Variants in RBM20 observed in about 807,000 individuals in gnomAD.
RBM20 encodes RNA binding motif protein 20, also known as RNA-binding protein 20.
In RBM20, 51 loss-of-function variants were observed where a neutral mutation model predicts 110.1. That is an observed-to-expected ratio of 0.46 (90% CI 0.37 to 0.59). The LOEUF is 0.59. Among genes scored for constraint, RBM20 ranks in the 20% least tolerant of loss-of-function variants. RBM20 has a pLI of 0.00. For synonymous variants in RBM20, 589 were observed against 618.2 expected (o/e 0.95, Z 0.70); for missense variants, 1,512 against 1,574.9 (o/e 0.96, Z 0.68).
chr10:110,681,188 A>G (rs1862418900), intron 1 of RBM20, among the ~76,000 whole-genome samples: 1 of 152,248 alleles, frequency 6.6e-6, no homozygotes, highest in South Asian at 2.1e-4. Context: ...AGCTGGTGAC[A>G]GAACTGGCCC....
At chr10:110,643,970 A>G (rs1861825532), upstream of RBM20, among the ~76,000 whole-genome samples, 1 of 152,144 alleles carries the variant, frequency 6.6e-6, no homozygotes, top group Non-Finnish European at 1.5e-5. Context: ...CACCGTCCCC[A>G]GGGACAGCCG....
intron 1 of RBM20, among the ~76,000 whole-genome samples, chr10:110,689,024 A>G: frequency 6.6e-6 from 1 of 152,022 alleles, no homozygotes. Flanking sequence ...TGTATTTTAA[A>G]GTTTTTAAAA....
chr10:110,780,768 C>T (rs1322892516), intron 1 of RBM20, 33 bp from the exon 2 acceptor site: 1 of 1,472,928 alleles, frequency 6.8e-7, no homozygotes, highest in African/African-American at 1.4e-5. Flanking sequence ...CATTGAAAAC[C>T]AGCTGTGCAT....
intron 13 of RBM20, among the ~76,000 whole-genome samples, chr10:110,834,302 C>T (rs1158595388): frequency 6.6e-6 from 1 of 151,512 alleles, no homozygotes; most frequent in African/African-American, 2.5e-5. Context: ...TGCTGCCATC[C>T]ACCGTTTGCT....
chr10:110,716,083 G>A (rs1416580486), intron 1 of RBM20, among the ~76,000 whole-genome samples: 1 of 152,238 alleles, frequency 6.6e-6, no homozygotes, highest in East Asian at 1.9e-4. Flanking sequence ...TAATGTAAGT[G>A]ATGAAAAGTC....
At position 110,820,015 on chromosome 10, in the gene RBM20, C is replaced by G. The variant is rs1006363900; in HGVS notation, c.2551-57C>G. On this transcript the variant is annotated intron_variant, in intron 9 of 13. Coordinates refer to ENST00000369519, the MANE Select transcript of RBM20 (RefSeq NM_001134363.3). ...CTGCATTCAATATCATTCTTTTTTT[C>G]TTCTCCCTGTCACTGCTCACTGTTG... is the stretch of plus-strand genomic sequence containing the variant. The G allele has an allele frequency of 9.0e-6, 10 of 1,117,222 alleles. No homozygotes were observed. In the African/African-American group the frequency reaches 1.1e-4, roughly 12 times the overall value. 69.2% of individuals were successfully genotyped at this position (1,117,222 alleles called of 1,614,324 possible).
intron 1 of RBM20, among the ~76,000 whole-genome samples, chr10:110,704,622 G>A (rs1450699678): frequency 1.3e-5 from 2 of 152,230 alleles, no homozygotes; most frequent in Non-Finnish European, 2.9e-5. Context: ...CCAGGACTGT[G>A]TAAGAGGAAA....
At chr10:110,785,939 T>C (rs1428736370) in intron 5 of RBM20, among the ~76,000 whole-genome samples, 1 of 152,246 alleles carries the variant, frequency 6.6e-6, no homozygotes, top group East Asian at 1.9e-4. Context: ...TACGCACCAG[T>C]AGCATTTGTT....
chr10:110,689,359 C>T (rs905979183), intron 1 of RBM20, among the ~76,000 whole-genome samples: 7 of 152,154 alleles, frequency 4.6e-5, no homozygotes, highest in African/African-American at 1.7e-4. Flanking sequence ...ACAGACATAG[C>T]AAGTAAACAC....
chr10:110,748,114 T>C (rs1387594938), intron 1 of RBM20, among the ~76,000 whole-genome samples: 1 of 151,690 alleles, frequency 6.6e-6, no homozygotes, highest in Non-Finnish European at 1.5e-5. Context: ...TAGTGTTAAC[T>C]TTTTTTTTCA....
chr10:110,705,907 C>T (rs1862830650), intron 1 of RBM20, among the ~76,000 whole-genome samples: 1 of 151,810 alleles, frequency 6.6e-6, no homozygotes, highest in African/African-American at 2.4e-5. Flanking sequence ...ATGGTGAAAC[C>T]CCCATCTCTA....
At position 110,821,283 on chromosome 10, in the gene RBM20, T is replaced by C. The variant is rs397516605; in HGVS notation, c.2664T>C (p.Asp888=). Residue 888 remains aspartate (D), a synonymous_variant, in exon 11 of 14, where the codon GAT becomes GAC. Transcript: ENST00000369519. ...PENTRTKKEQ[D]WESESEAEGE... ...TCTGCATTTTTGTACAGGAACAAGA[T>C]TGGGAGAGTGAAAGTGAGGCAGAGG... 6.3e-5 allele frequency: 97 copies of C among 1,550,804 alleles called. No individual in the cohort carries two copies. Among genetic ancestry groups the C allele is most frequent in the Non-Finnish European group, 8.0e-5 (92 of 1,146,470 alleles).
intron 5 of RBM20, among the ~76,000 whole-genome samples, chr10:110,793,134 G>A: frequency 6.6e-6 from 1 of 152,170 alleles, no homozygotes; most frequent in East Asian, 1.9e-4. Flanking sequence ...CAGACGTGGG[G>A]AAACTAAGGC....
intron 1 of RBM20, among the ~76,000 whole-genome samples, chr10:110,661,369 C>T (rs1862099367): frequency 6.6e-6 from 1 of 152,150 alleles, no homozygotes; most frequent in African/African-American, 2.4e-5. Context: ...TAGCCAGAAC[C>T]CCTTAGGCTG....
Position 110,653,091 on chromosome 10 carries a change from A to G in RBM20, c.191+8446A>G, listed in dbSNP as rs567924204. On this transcript the variant is annotated intron_variant, in intron 1 of 13. Transcript: ENST00000369519. The stretch of plus-strand genomic sequence containing the variant: ...TTAATAGAGGAAAAACCCAGTACCT[A>G]CCTTCCTTTCATACCCAGAAACGTC... Among the ~76,000 whole-genome samples, 17 of 152,336 alleles carry G rather than the reference A, an allele frequency of 1.1e-4. No homozygotes were observed. In the South Asian group the frequency reaches 3.5e-3, roughly 32 times the overall value.
chr10:110,671,624 G>A (rs1287748730), intron 1 of RBM20, among the ~76,000 whole-genome samples: 1 of 152,048 alleles, frequency 6.6e-6, no homozygotes, highest in Non-Finnish European at 1.5e-5. Flanking sequence ...ATATTGCTCA[G>A]AACAGTGTCT....
At chr10:110,759,479 C>A (rs1381103532) in intron 1 of RBM20, among the ~76,000 whole-genome samples, 1 of 152,008 alleles carries the variant, frequency 6.6e-6, no homozygotes, top group East Asian at 1.9e-4. Flanking sequence ...AAGAAAAGGC[C>A]CCAGGAATGT....
chr10:110,830,386 A>G (rs974602639), intron 12 of RBM20, among the ~76,000 whole-genome samples: 3 of 152,186 alleles, frequency 2.0e-5, no homozygotes, highest in Admixed American at 6.5e-5. Context: ...CACAAATGAA[A>G]TGCTAATTGA....
chr10:110,644,501 C>T lies in RBM20; in HGVS notation c.47C>T (p.Pro16Leu). 1.3e-6 allele frequency: 2 copies of T among 1,525,698 alleles called. No individual in the cohort carries two copies. Among genetic ancestry groups the T allele is most frequent in the South Asian group, 1.2e-5 (1 of 81,988 alleles). The allele number at this position is 1,525,698 out of a possible 1,614,324, so 94.5% of individuals were successfully genotyped here. Reference protein sequence around the residue: ...AMSQDADPSGPEQPDRVACSV... With the variant: ...AMSQDADPSGLEQPDRVACSV... ...AGCCAGGACGCGGACCCCAGCGGTC[C>T]GGAGCAGCCGGACAGAGTTGCCTGC... The change falls in exon 1 of 14, where the codon CCG (proline) becomes CTG (leucine). Residue 16 changes from proline to leucine, a missense_variant. By Grantham distance (98) the Pro-to-Leu change is moderately conservative. Coordinates refer to ENST00000369519, the MANE Select transcript of RBM20 (RefSeq NM_001134363.3). This position sits in a 1 kb window ranked among gnomAD's most constrained non-coding sequence, Gnocchi z 4.3.
Sources: allele counts gnomAD v4.1 joint callset (sites outside exome capture counted in the v4.1 genomes callset), GRCh38; gene constraint gnomAD v4.1.1; non-coding constraint Gnocchi (gnomAD v3.1); transcripts MANE v1.5; gene names NCBI Gene and HGNC (gene_info 2026-07-23, HGNC 2026-07-21).